Variants in ATP8A2 observed in about 807,000 individuals in gnomAD.
The protein encoded by ATP8A2 is ATPase phospholipid transporting 8A2.
ATP8A2 carries 100 observed loss-of-function variants against 165.6 expected under a neutral mutation model. The ratio of observed to expected loss-of-function variants is 0.60; its 90% CI spans 0.51 to 0.71. ATP8A2 has a LOEUF of 0.71. Among genes scored for constraint, ATP8A2 ranks in the 30% least tolerant of loss-of-function variants. ATP8A2 has a pLI of 0.00. For missense variants in ATP8A2, 1,227 were observed against 1,479.5 expected, an observed-to-expected ratio of 0.83 and a Z score of 2.80; for synonymous variants, 543 against 548.8, an observed-to-expected ratio of 0.99 and a Z score of 0.15.
intron 27 of ATP8A2, among the ~76,000 whole-genome samples, chr13:25,808,415 G>A (rs554294874): frequency 3.3e-5 from 5 of 151,924 alleles, no homozygotes; most frequent in South Asian, 4.2e-4. Flanking sequence ...CCTGGGCAAC[G>A]TGGTGAAATC....
intron 25 of ATP8A2, among the ~76,000 whole-genome samples, chr13:25,742,940 G>T (rs1203580154): frequency 6.6e-6 from 1 of 151,996 alleles, no homozygotes; most frequent in Non-Finnish European, 1.5e-5. Flanking sequence ...AATTTGGAAG[G>T]GAGGGGATTT....
chr13:25,681,898 T>C (rs2042495908), intron 24 of ATP8A2, among the ~76,000 whole-genome samples: 1 of 151,126 alleles, frequency 6.6e-6, no homozygotes, highest in Non-Finnish European at 1.5e-5. Flanking sequence ...GACTTGGGAC[T>C]GACTGCCTTG....
intron 33 of ATP8A2, among the ~76,000 whole-genome samples, chr13:25,932,456 C>T (rs979454185): frequency 6.6e-6 from 1 of 152,170 alleles, no homozygotes; most frequent in Non-Finnish European, 1.5e-5. Flanking sequence ...GGGTGGCTCT[C>T]GAGCATCAGC....
intron 18 of ATP8A2, among the ~76,000 whole-genome samples, chr13:25,573,495 C>G (rs1032308433): frequency 6.6e-6 from 1 of 152,206 alleles, no homozygotes; most frequent in African/African-American, 2.4e-5. Flanking sequence ...ATTCATCAAA[C>G]CACCAATTCT....
rs541840375 is a variant in ATP8A2 at position 25,908,338 on chromosome 13, C to G, written c.3183+45930C>G. Among the ~76,000 whole-genome samples, 26 of 152,330 alleles carry G rather than the reference C, an allele frequency of 1.7e-4. 1 individual carries two copies. Among genetic ancestry groups the G allele is most frequent in the African/African-American group, 6.3e-4 (26 of 41,580 alleles). ...TAGGTGTGTTGAACATAGTTTCACC[C>G]TTCAAGTTGTCTTGTCCAGCTGGGA... On this transcript the variant is annotated intron_variant, in intron 33 of 36. Transcript: ENST00000381655.
rs146519485 is a variant in ATP8A2 at position 25,702,023 on chromosome 13, TAAAAAAA to T, written c.2384+2680_2384+2686del. Among the ~76,000 whole-genome samples the T allele has an allele frequency of 3.7e-3, 556 of 151,956 alleles. 4 individuals carry two copies. The highest frequency in any genetic ancestry group is 3.4e-3 in the Non-Finnish European group (233 of 67,916). ...GATTTTAAAAAAATCAACATGTACT[TAAAAAAA>T]AGAAAAAAGCACTTGTACACTTCAG... On this transcript the variant is annotated intron_variant, in intron 25 of 36. Coordinates refer to ENST00000381655, the MANE Select transcript of ATP8A2 (RefSeq NM_016529.6).
At chr13:25,515,745 C>A (rs2037447023) in intron 2 of ATP8A2, among the ~76,000 whole-genome samples, 1 of 152,174 alleles carries the variant, frequency 6.6e-6, no homozygotes, top group African/African-American at 2.4e-5. Context: ...GCTAGGCAGC[C>A]TTTAGATCGG....
intron 1 of ATP8A2, among the ~76,000 whole-genome samples, chr13:25,427,392 A>G (rs2034481498): frequency 6.6e-6 from 1 of 152,120 alleles, no homozygotes; most frequent in Non-Finnish European, 1.5e-5. Context: ...TGATTTGCAT[A>G]ATTAATTCAT....
chr13:25,921,999 C>G (rs1257024253), intron 33 of ATP8A2, among the ~76,000 whole-genome samples: 1 of 152,096 alleles, frequency 6.6e-6, no homozygotes, highest in African/African-American at 2.4e-5. Flanking sequence ...ACCATTGGCA[C>G]TTTTGTGAAG....
chr13:25,802,479 G>C (rs1950641746), intron 27 of ATP8A2, among the ~76,000 whole-genome samples: 1 of 152,148 alleles, frequency 6.6e-6, no homozygotes, highest in Non-Finnish European at 1.5e-5. Context: ...AATCCTAAGT[G>C]AGCTTCATTT....
Position 25,972,430 on chromosome 13 carries a change from G to A in ATP8A2, c.3377+3751G>A, listed in dbSNP as rs181219039. ...GAATTAGATATCCAGAAAGCACAGT[G>A]AAGAAAGTGCTTTAGGGAGTGAATA... On this transcript the variant is annotated intron_variant, in intron 35 of 36. Coordinates refer to ENST00000381655, the MANE Select transcript of ATP8A2 (RefSeq NM_016529.6). Among the ~76,000 whole-genome samples, 668 of 152,340 alleles carry A rather than the reference G, an allele frequency of 4.4e-3. 2 individuals are homozygous for A. Among genetic ancestry groups the A allele is most frequent in the Non-Finnish European group, 7.5e-3 (509 of 68,026 alleles).
chr13:25,749,532 C>T (rs1167902317), intron 25 of ATP8A2, among the ~76,000 whole-genome samples: 1 of 151,796 alleles, frequency 6.6e-6, no homozygotes. Context: ...GGAATCATGA[C>T]GCAGGCATTG....
chr13:25,942,350 T>C (rs56105469), intron 33 of ATP8A2, among the ~76,000 whole-genome samples: 2,363 of 152,370 alleles, frequency 0.016, 77 homozygotes, highest in African/African-American at 0.053. Context: ...TCTCAGTCTG[T>C]GGCTTTTCTC....
chr13:25,875,815 G>A (rs1405347787), intron 33 of ATP8A2, among the ~76,000 whole-genome samples: 1 of 152,222 alleles, frequency 6.6e-6, no homozygotes, highest in Non-Finnish European at 1.5e-5. Flanking sequence ...TTTTGGAGAT[G>A]ATATTAAAGG....
chr13:26,012,486 G>A, intron 35 of ATP8A2, 45 bp from the exon 36 acceptor site: 3 of 1,463,732 alleles, frequency 2.0e-6, no homozygotes, highest in Non-Finnish European at 2.8e-6. Flanking sequence ...TGTGCAACCC[G>A]AGTGTTCAGG....
At chr13:25,546,964 T>C (rs1195668346) in intron 10 of ATP8A2, among the ~76,000 whole-genome samples, 1 of 151,844 alleles carries the variant, frequency 6.6e-6, no homozygotes, top group Non-Finnish European at 1.5e-5. Context: ...ACCCCATCTC[T>C]ACTAAAAATA....
intron 25 of ATP8A2, among the ~76,000 whole-genome samples, chr13:25,699,720 T>C (rs974312977): frequency 2.0e-5 from 3 of 152,218 alleles, no homozygotes; most frequent in African/African-American, 7.2e-5. Context: ...ATGCTTCTTT[T>C]CTGGCGTTTG....
At chr13:25,865,295 T>C (rs1395902716) in intron 33 of ATP8A2, among the ~76,000 whole-genome samples, 3 of 152,184 alleles carry the variant, frequency 2.0e-5, no homozygotes, top group Admixed American at 6.5e-5. Context: ...GAAGAATGCT[T>C]CTAGTGATTT....
chr13:25,531,245 TTATATATGATATATATGA>T (rs201407069), intron 4 of ATP8A2, among the ~76,000 whole-genome samples: 5,098 of 90,110 alleles, frequency 0.057, 538 homozygotes, highest in South Asian at 0.11. Context: ...GATATATATG[TTATATATGATATATATGA>T]TATATATGAT....
Sources: allele counts gnomAD v4.1 joint callset (sites outside exome capture counted in the v4.1 genomes callset), GRCh38; gene constraint gnomAD v4.1.1; transcripts MANE v1.5; gene names NCBI Gene and HGNC (gene_info 2026-07-23, HGNC 2026-07-21).